The following FXR1 variants were observed in gnomAD, a reference collection of about 807,000 sequenced individuals.
FXR1 encodes the protein RNA-binding protein FXR1.
FXR1 carries 15 observed loss-of-function variants against 84.0 expected under a neutral mutation model. The observed-to-expected ratio is 0.18, with a 90% CI of 0.12 to 0.27. FXR1 has a LOEUF of 0.27. FXR1 is among the 10% of genes least tolerant of loss of function. The pLI, the probability that FXR1 is intolerant of heterozygous loss-of-function variation, is 1.00. For synonymous variants in FXR1, 245 were observed against 250.7 expected, an observed-to-expected ratio of 0.98 and a Z score of 0.21; for missense variants, 480 against 774.4, an observed-to-expected ratio of 0.62 and a Z score of 4.51.
intron 11 of FXR1, among the ~76,000 whole-genome samples, chr3:180,961,991 C>G (rs185957052): frequency 6.6e-6 from 1 of 152,276 alleles, no homozygotes; most frequent in East Asian, 1.9e-4. Context: ...TGCAAATCAT[C>G]TGCATCATCT....
Position 180,948,450 on chromosome 3 carries a change from C to A in FXR1, c.374C>A (p.Thr125Asn). The A allele has an allele frequency of 6.2e-7, 1 of 1,608,676 alleles. No individual in the cohort carries two copies. Among genetic ancestry groups the A allele is most frequent in the Non-Finnish European group, 8.5e-7 (1 of 1,175,130 alleles). The stretch of plus-strand genomic sequence containing the variant: ...CAAAATAAAACTGTCAAAAAAAATA[C>A]CTTCTTTAAATGCACAGTGGATGTT... ...VNQNKTVKKN[T>N]FFKCTVDVPE... Residue 125 changes from threonine (T) to asparagine (N), a missense_variant, in exon 5 of 17, where the codon ACC becomes AAC. Around this residue, in one of 6 missense-constraint regions of FXR1, gnomAD observed 136 missense variants for 315.4 expected, o/e 0.43. Transcript: ENST00000357559.
chr3:180,914,477 CTT>C (rs1208275901), intron 1 of FXR1, among the ~76,000 whole-genome samples: 4 of 151,934 alleles, frequency 2.6e-5, no homozygotes, highest in African/African-American at 9.7e-5. Context: ...GATTATTTTG[CTT>C]TATTTCATGG....
chr3:180,966,950 C>T (rs1207515949), intron 13 of FXR1, among the ~76,000 whole-genome samples: 3 of 152,068 alleles, frequency 2.0e-5, no homozygotes, highest in Admixed American at 1.3e-4. Context: ...TAATGTAGGC[C>T]TCTGATTATA....
chr3:180,968,426 T>C (rs1576999605), intron 14 of FXR1, 172 bp downstream of exon 14: 1 of 580,568 alleles, frequency 1.7e-6, no homozygotes, highest in African/African-American at 1.9e-5. Context: ...GTAGAGTGTT[T>C]CTCAGTGAAG....
chr3:180,961,669 A>T, intron 11 of FXR1, 115 bp downstream of exon 11: 1 of 535,402 alleles, frequency 1.9e-6, no homozygotes, highest in Non-Finnish European at 3.3e-6. Flanking sequence ...TATTTGAAGT[A>T]AACTTCAAAT....
At chr3:180,954,721 C>T (rs1045339817) in intron 9 of FXR1, among the ~76,000 whole-genome samples, 2 of 151,848 alleles carry the variant, frequency 1.3e-5, no homozygotes, top group Admixed American at 6.6e-5. Flanking sequence ...TTTTTTTTGA[C>T]GCTAGGGAAA....
intron 1 of FXR1, among the ~76,000 whole-genome samples, chr3:180,921,916 G>A (rs975656042): frequency 6.6e-6 from 1 of 151,956 alleles, no homozygotes; most frequent in Non-Finnish European, 1.5e-5. Context: ...GCACATATAC[G>A]TGGTTCCATA....
chr3:180,931,716 C>T (rs1719921135), intron 1 of FXR1, among the ~76,000 whole-genome samples: 1 of 149,262 alleles, frequency 6.7e-6, no homozygotes, highest in Admixed American at 6.7e-5. Flanking sequence ...ACAGAGTATG[C>T]CCTTAAAAAT....
In FXR1 at chr3:180,915,743, C is replaced by T. The variant is rs1040371909; in HGVS notation, c.51+3007C>T. ...TGAGTTTCAAAGTCAGTTATCATGCCTTGAGGCAGTACTCTGTAGACTTTG... is the reference window on the plus strand; with the variant it reads ...TGAGTTTCAAAGTCAGTTATCATGCTTTGAGGCAGTACTCTGTAGACTTTG... On this transcript the variant is annotated intron_variant, in intron 1 of 16. Coordinates refer to ENST00000357559, the MANE Select transcript of FXR1 (RefSeq NM_005087.4). 6.6e-5 allele frequency: 45 copies of T among 681,712 alleles called. No individual in the cohort carries two copies. In the Admixed American group the frequency reaches 9.5e-4, roughly 14 times the overall value. 42.2% of individuals were successfully genotyped at this position (681,712 alleles called of 1,614,324 possible).
Position 180,915,509 on chromosome 3 carries a change from GATAATAC to G in FXR1, c.51+2776_51+2782del, listed in dbSNP as rs752921692. 2.0e-6 allele frequency: 3 copies of G among 1,496,936 alleles called. No individual in the cohort carries two copies. The South Asian group carries it at 3.6e-5, about 18-fold the overall frequency. The allele number at this position is 1,496,936 out of a possible 1,614,324, so 92.7% of individuals were successfully genotyped here. The stretch of plus-strand genomic sequence containing the variant: ...TAATTAGTTTTTTTCCAATTTAGAA[GATAATAC>G]ATGGTCACTGAGGTAATTTTGGAAC... On this transcript the variant is annotated intron_variant, in intron 1 of 16. Coordinates refer to ENST00000357559, the MANE Select transcript of FXR1 (RefSeq NM_005087.4).
intron 3 of FXR1, among the ~76,000 whole-genome samples, chr3:180,946,015 C>T (rs937906267): frequency 6.6e-6 from 1 of 152,206 alleles, no homozygotes; most frequent in African/African-American, 2.4e-5. Flanking sequence ...TTTATCAGTA[C>T]TCTTTGCATC....
intron 3 of FXR1, among the ~76,000 whole-genome samples, chr3:180,941,656 C>T (rs1459232514): frequency 3.9e-5 from 6 of 152,196 alleles, no homozygotes; most frequent in South Asian, 4.1e-4. Context: ...GCTTGGGAAA[C>T]GCTCGCACAT....
In FXR1 at chr3:180,957,882, G is replaced by C; in HGVS notation, c.944G>C (p.Arg315Pro). Residue 315 changes from arginine to proline, a missense_variant, in exon 10 of 17, where the codon CGA becomes CCA. Physicochemically the swap from Arg to Pro is moderately radical, Grantham distance 103. Transcript: ENST00000357559. ...QEIVDKSGVV[R>P]VRIEGDNENK... is the part of the protein sequence containing the mutation. ...ATAGTGGACAAATCTGGTGTGGTTC[G>C]AGTGAGAATTGAAGGGGACAATGAA... is the stretch of plus-strand genomic sequence containing the variant. 1 of 1,589,624 alleles carries C rather than the reference G, an allele frequency of 6.3e-7. No individual in the cohort carries two copies. The highest frequency in any genetic ancestry group is 8.6e-7 in the Non-Finnish European group (1 of 1,160,856).
intron 3 of FXR1, among the ~76,000 whole-genome samples, chr3:180,946,822 T>G (rs1246810718): frequency 6.6e-6 from 1 of 152,194 alleles, no homozygotes; most frequent in Non-Finnish European, 1.5e-5. Flanking sequence ...CTGATAGGTT[T>G]CCCTGATGAT....
In FXR1 at chr3:180,968,431, G is replaced by T. The variant is rs977866841; in HGVS notation, c.1402+177G>T. On this transcript the variant is annotated intron_variant, in intron 14 of 16. Transcript: ENST00000357559. Reference sequence around the variant, plus strand: ...AAAAGCCCTCGTAGAGTGTTTCTCAGTGAAGGTTTACTTAGAATATACTGG... The same window carrying T: ...AAAAGCCCTCGTAGAGTGTTTCTCATTGAAGGTTTACTTAGAATATACTGG... 7 of 572,404 alleles carry T rather than the reference G, an allele frequency of 1.2e-5. No homozygotes were observed. The African/African-American group carries it at 1.3e-4, about 11-fold the overall frequency. The allele number at this position is 572,404 out of a possible 1,614,324, so 35.5% of individuals were successfully genotyped here. A position where few individuals can be genotyped will look rare whatever the true frequency, so the allele number is the denominator to read the frequency against.
At chr3:180,944,668 A>T (rs1312900785) in intron 3 of FXR1, among the ~76,000 whole-genome samples, 1 of 152,120 alleles carries the variant, frequency 6.6e-6, no homozygotes, top group East Asian at 1.9e-4. Context: ...TCCATGCTGG[A>T]GTATAGTGAA....
chr3:180,913,387 T>C (rs562492758), intron 1 of FXR1, among the ~76,000 whole-genome samples: 1 of 152,310 alleles, frequency 6.6e-6, no homozygotes, highest in East Asian at 1.9e-4. Context: ...TTAGCCCCTC[T>C]ATTACGGAAG....
intron 1 of FXR1, among the ~76,000 whole-genome samples, chr3:180,916,245 G>A (rs1460847978): frequency 1.3e-5 from 2 of 152,092 alleles, no homozygotes; most frequent in African/African-American, 4.8e-5. Context: ...TGTAACCACC[G>A]CCACAGTCTT....
intron 1 of FXR1, among the ~76,000 whole-genome samples, chr3:180,931,079 A>G (rs1719843708): frequency 6.6e-6 from 1 of 150,610 alleles, no homozygotes; most frequent in Non-Finnish European, 1.5e-5. Context: ...AAATAGAGAA[A>G]CTGGCCAGAA....
Sources: gnomAD v4.1 joint callset for allele counts (sites outside exome capture counted in the v4.1 genomes callset) on GRCh38, gnomAD v4.1.1 for gene constraint, gnomAD v4.1.1 regional missense constraint, MANE v1.5 for transcripts, NCBI Gene and HGNC (gene_info 2026-07-23, HGNC 2026-07-21) for gene names.